Variants in AGBL4 observed in about 807,000 individuals in gnomAD.
The protein encoded by AGBL4 is AGBL carboxypeptidase 4.
AGBL4 carries 58 observed loss-of-function variants against 66.4 expected under a neutral mutation model. The observed-to-expected ratio is 0.87, with a 90% CI of 0.71 to 1.09. The LOEUF (loss-of-function observed/expected upper bound fraction) is 1.09. Among genes scored for constraint, AGBL4 ranks in the 50% least tolerant of loss-of-function variants. The probability of loss-of-function intolerance (pLI) is 0.00; values close to 1 mark genes in which losing one functional copy is unlikely to be tolerated. For synonymous variants in AGBL4, 234 were observed against 222.9 expected (o/e 1.05, Z -0.44); for missense variants, 579 against 631.0 (o/e 0.92, Z 0.88).
At chr1:49,961,495 A>G (rs960965515) in intron 1 of AGBL4, among the ~76,000 whole-genome samples, 1 of 152,172 alleles carries the variant, frequency 6.6e-6, no homozygotes, top group Non-Finnish European at 1.5e-5. Flanking sequence ...ACAGAGCAAG[A>G]CACTGTGTCT....
intron 6 of AGBL4, among the ~76,000 whole-genome samples, chr1:48,728,370 T>TAA (rs1410070882): frequency 6.6e-6 from 1 of 150,974 alleles, no homozygotes; most frequent in African/African-American, 2.4e-5. Flanking sequence ...CCTGAACTTT[T>TAA]GCCTTTTTTT....
intron 8 of AGBL4, among the ~76,000 whole-genome samples, chr1:48,642,545 C>T (rs1178082910): frequency 6.6e-6 from 1 of 152,056 alleles, no homozygotes. Flanking sequence ...TTCATAAAAC[C>T]CAATCCCCAC....
At chr1:49,823,883 G>A (rs1425118148) in intron 2 of AGBL4, among the ~76,000 whole-genome samples, 2 of 151,346 alleles carry the variant, frequency 1.3e-5, no homozygotes, top group African/African-American at 4.9e-5. Flanking sequence ...GAAAAGTTAA[G>A]TTCCATAACA....
chr1:49,320,411 A>C (rs1645112606), intron 3 of AGBL4, among the ~76,000 whole-genome samples: 1 of 152,236 alleles, frequency 6.6e-6, no homozygotes, highest in Non-Finnish European at 1.5e-5. Context: ...ACAGTAAAGT[A>C]GACAAGTAGC....
chr1:49,724,999 G>T (rs1648907469), intron 2 of AGBL4, among the ~76,000 whole-genome samples: 1 of 150,946 alleles, frequency 6.6e-6, no homozygotes, highest in South Asian at 2.1e-4. Context: ...GAGGAAAGGA[G>T]AAAAAAGAAG....
intron 12 of AGBL4, among the ~76,000 whole-genome samples, chr1:48,538,027 T>G (rs1644001992): frequency 6.6e-6 from 1 of 152,140 alleles, no homozygotes; most frequent in Admixed American, 6.5e-5. Context: ...GACAGGCACT[T>G]CAGGGGCACA....
chr1:49,171,941 G>A, intron 4 of AGBL4, among the ~76,000 whole-genome samples: 1 of 152,152 alleles, frequency 6.6e-6, no homozygotes, highest in East Asian at 1.9e-4. Flanking sequence ...CTATCTTAGA[G>A]ACAGGGACAT....
At chr1:49,024,051 A>G (rs1359106087) in intron 5 of AGBL4, among the ~76,000 whole-genome samples, 2 of 152,172 alleles carry the variant, frequency 1.3e-5, no homozygotes, top group Non-Finnish European at 2.9e-5. Flanking sequence ...ACCAAGATAT[A>G]GGGTCAATCA....
chr1:48,694,680 C>A (rs1646687303), intron 6 of AGBL4, among the ~76,000 whole-genome samples: 1 of 152,168 alleles, frequency 6.6e-6, no homozygotes, highest in South Asian at 2.1e-4. Flanking sequence ...ATCCATTTAT[C>A]CTACCAATAT....
intron 5 of AGBL4, among the ~76,000 whole-genome samples, chr1:49,040,088 T>C (rs2149048124): frequency 6.6e-6 from 1 of 152,158 alleles, no homozygotes; most frequent in South Asian, 2.1e-4. Flanking sequence ...AACATATATC[T>C]GACAAAAGAC....
rs1004485153 is a variant in AGBL4 at position 48,539,430 on chromosome 1, C to T, written c.1364+212G>A. On this transcript the variant is annotated intron_variant, in intron 12 of 13. Coordinates refer to ENST00000371839, the MANE Select transcript of AGBL4 (RefSeq NM_032785.4). ...CCTAAGTTAGAACCAGAAATGTGACCATGCCCTCACTGTCTGACCCCTTAA... is the reference window on the plus strand; with the variant it reads ...CCTAAGTTAGAACCAGAAATGTGACTATGCCCTCACTGTCTGACCCCTTAA... Among the ~76,000 whole-genome samples the T allele has an allele frequency of 2.0e-5, 3 of 152,088 alleles. No individual in the cohort carries two copies. The South Asian group carries it at 6.2e-4, about 32-fold the overall frequency.
chr1:49,846,428 G>A, intron 2 of AGBL4: 9 of 1,475,518 alleles, frequency 6.1e-6, no homozygotes, highest in Non-Finnish European at 8.4e-6. Context: ...TGGGGACATA[G>A]GAAGACCTTA....
At chr1:48,585,292 A>T (rs1644801356) in intron 11 of AGBL4, 1 of 152,232 alleles carries the variant, frequency 6.6e-6, no homozygotes, top group South Asian at 2.1e-4. Context: ...AGGGACCCTC[A>T]TCTCACTATG....
chr1:49,110,647 A>G (rs1381052004), intron 4 of AGBL4, among the ~76,000 whole-genome samples: 2 of 151,998 alleles, frequency 1.3e-5, no homozygotes. Context: ...ACTCTTAGTT[A>G]TCTCCCACTT....
At chr1:49,695,952 C>T (rs1646975092) in intron 3 of AGBL4, among the ~76,000 whole-genome samples, 2 of 152,052 alleles carry the variant, frequency 1.3e-5, no homozygotes, top group Admixed American at 1.3e-4. Flanking sequence ...ACACTGGCCA[C>T]TGTCTGACAC....
chr1:49,919,172 C>T (rs1485929102), intron 1 of AGBL4, among the ~76,000 whole-genome samples: 1 of 152,134 alleles, frequency 6.6e-6, no homozygotes, highest in African/African-American at 2.4e-5. Flanking sequence ...TGAAAACTGG[C>T]ACAAGACAGG....
intron 1 of AGBL4, among the ~76,000 whole-genome samples, chr1:49,901,291 C>A (rs1362110922): frequency 6.6e-6 from 1 of 152,134 alleles, no homozygotes; most frequent in African/African-American, 2.4e-5. Context: ...ATCTAGAAAA[C>A]CCAACAGCTT....
At chr1:48,623,648 C>T (rs942619377) in intron 9 of AGBL4, among the ~76,000 whole-genome samples, 5 of 152,200 alleles carry the variant, frequency 3.3e-5, no homozygotes, top group African/African-American at 1.2e-4. Flanking sequence ...CTCTCAATGG[C>T]AACAAGCAAA....
intron 6 of AGBL4, among the ~76,000 whole-genome samples, chr1:48,828,915 T>C (rs1646489157): frequency 6.6e-6 from 1 of 152,198 alleles, no homozygotes; most frequent in Non-Finnish European, 1.5e-5. Context: ...ATTCTTAGCA[T>C]TGTGTACGTG....
Sources: gnomAD v4.1 joint callset for allele counts (sites outside exome capture counted in the v4.1 genomes callset) on GRCh38, gnomAD v4.1.1 for gene constraint, MANE v1.5 for transcripts, NCBI Gene and HGNC (gene_info 2026-07-23, HGNC 2026-07-21) for gene names.